The following CHDH variants were observed in gnomAD, a reference collection of about 807,000 sequenced individuals.
CHDH encodes choline dehydrogenase.
A neutral mutation model predicts 56.9 loss-of-function variants in CHDH; 43 were observed. That is an observed-to-expected ratio of 0.76 (90% CI 0.59 to 0.97). The LOEUF is 0.97. CHDH is among the 50% of genes least tolerant of loss of function. The pLI is 0.00. For missense variants in CHDH, 816 were observed against 821.1 expected, an observed-to-expected ratio of 0.99 and a Z score of 0.08; for synonymous variants, 364 against 348.5, an observed-to-expected ratio of 1.04 and a Z score of -0.50.
Position 53,830,052 on chromosome 3 carries a change from T to A in CHDH, c.-59-5985A>T, listed in dbSNP as rs185181259. On this transcript the variant is annotated intron_variant, in intron 2 of 8. Transcript: ENST00000315251. Reference sequence around the variant, plus strand: ...ACTTAAAATATATACAGGACCTATATACTGAAAACTACAAAACATTGACAG... The same window carrying A: ...ACTTAAAATATATACAGGACCTATAAACTGAAAACTACAAAACATTGACAG... Among the ~76,000 whole-genome samples, 4 of 152,278 alleles carry A rather than the reference T, an allele frequency of 2.6e-5. No individual in the cohort carries two copies. The East Asian group carries it at 7.7e-4, about 29-fold the overall frequency.
At chr3:53,822,314 A>AG (rs1317389501) in intron 4 of CHDH, among the ~76,000 whole-genome samples, 177 bp downstream of exon 4, 6 of 151,930 alleles carry the variant, frequency 3.9e-5, no homozygotes, top group African/African-American at 7.3e-5. Flanking sequence ...TGGCAGGACT[A>AG]GGGGCTTCTT....
rs563180194 is a variant in CHDH at position 53,812,450 on chromosome 3, A to G, written c.*5327T>C. On this transcript the variant is annotated 3_prime_UTR_variant, in exon 9 of 9. Coordinates refer to ENST00000315251, the MANE Select transcript of CHDH (RefSeq NM_018397.5). ...TATTTTGAGTCACTATAAACCTATC[A>G]TCTTTCCACAAGATATACCAGATGA... 5.9e-5 allele frequency: 9 copies of G among 152,346 alleles called. No homozygotes were observed. Among genetic ancestry groups the G allele is most frequent in the African/African-American group, 1.4e-4 (6 of 41,572 alleles). The allele number at this position is 152,346 out of a possible 1,614,324, so 9.4% of individuals were successfully genotyped here.
intron 2 of CHDH, among the ~76,000 whole-genome samples, chr3:53,827,825 C>T (rs1207008118): frequency 6.6e-6 from 1 of 152,164 alleles, no homozygotes; most frequent in African/African-American, 2.4e-5. Flanking sequence ...ACTTCATCTA[C>T]AAATTCAATG....
intron 4 of CHDH, among the ~76,000 whole-genome samples, chr3:53,822,057 T>C (rs925838609): frequency 6.6e-6 from 1 of 151,786 alleles, no homozygotes; most frequent in African/African-American, 2.4e-5. Context: ...AAGTGGGTGG[T>C]TTAGAGAGAG....
intron 2 of CHDH, among the ~76,000 whole-genome samples, chr3:53,834,097 T>G (rs1473833545): frequency 6.6e-6 from 1 of 152,222 alleles, no homozygotes; most frequent in East Asian, 1.9e-4. Flanking sequence ...TGGCTTTCAT[T>G]GCCATAGCCC....
chr3:53,825,863 T>C (rs2095638126), intron 2 of CHDH, among the ~76,000 whole-genome samples: 1 of 151,736 alleles, frequency 6.6e-6, no homozygotes, highest in Non-Finnish European at 1.5e-5. Context: ...GGAATAAATA[T>C]AACAATGACA....
intron 2 of CHDH, among the ~76,000 whole-genome samples, chr3:53,831,665 G>T (rs1439757888): frequency 6.6e-6 from 1 of 152,210 alleles, no homozygotes; most frequent in Non-Finnish European, 1.5e-5. Flanking sequence ...TTAATATCTA[G>T]AATGTGTTTA....
At position 53,823,546 on chromosome 3, in the gene CHDH, C is replaced by T; in HGVS notation, c.463G>A (p.Ala155Thr). The T allele has an allele frequency of 1.3e-6, 2 of 1,542,330 alleles. No homozygotes were observed. The highest frequency in any genetic ancestry group is 1.4e-5 in the African/African-American group (1 of 73,062). Reference protein sequence around the residue: ...EDYERWQRQGARGWDYAHCLP... With the variant: ...EDYERWQRQGTRGWDYAHCLP... ...CAGTGCGCGTAGTCCCAGCCGCGGG[C>T]GCCCTGGCGCTGCCAGCGCTCGTAG... Residue 155 changes from alanine (A) to threonine (T), a missense_variant, in exon 3 of 9, where the codon GCC becomes ACC. Transcript: ENST00000315251.
chr3:53,828,187 A>G (rs531555419), intron 2 of CHDH, among the ~76,000 whole-genome samples: 1 of 151,922 alleles, frequency 6.6e-6, no homozygotes, highest in Admixed American at 6.6e-5. Flanking sequence ...ACACACACAC[A>G]CACACACACA....
chr3:53,822,059 T>TAG, intron 4 of CHDH, among the ~76,000 whole-genome samples: 1 of 152,230 alleles, frequency 6.6e-6, no homozygotes, highest in South Asian at 2.1e-4. Flanking sequence ...GTGGGTGGTT[T>TAG]AGAGAGAGCA....
At chr3:53,838,056 CAAAAAAAAAAAAAA>C (rs34971544) in intron 2 of CHDH, among the ~76,000 whole-genome samples, 3 of 58,788 alleles carry the variant, frequency 5.1e-5, no homozygotes, top group Non-Finnish European at 8.9e-5. Context: ...GACTCTGTCT[CAAAAAAAAAAAAAA>C]AAAAAAAAAA....
In CHDH at chr3:53,814,817, G is replaced by C. The variant is rs1457503022; in HGVS notation, c.*2960C>G. On this transcript the variant is annotated 3_prime_UTR_variant, in exon 9 of 9. Coordinates refer to ENST00000315251, the MANE Select transcript of CHDH (RefSeq NM_018397.5). ...TGGGACTACAGGCGTGCACCACCAT[G>C]CCCAGCTAATTTTTGTATTTTTAGT... is the stretch of plus-strand genomic sequence containing the variant. 3 of 152,040 alleles carry C rather than the reference G, an allele frequency of 2.0e-5. No individual in the cohort carries two copies. The highest frequency in any genetic ancestry group is 4.4e-5 in the Non-Finnish European group (3 of 68,056). 9.4% of individuals were successfully genotyped at this position (152,040 alleles called of 1,614,324 possible).
chr3:53,828,162 G>GACACACAC (rs60594351), intron 2 of CHDH, among the ~76,000 whole-genome samples: 9,382 of 145,172 alleles, frequency 0.065, 511 homozygotes, highest in African/African-American at 0.15. Context: ...GGAATAACTA[G>GACACACAC]ACACACACAC....
At position 53,846,347 on chromosome 3, in the gene CHDH, GGC is replaced by G. The variant is rs1263298519; in HGVS notation, c.-397_-396del. 2.2e-6 allele frequency: 1 copy of G among 453,824 alleles called. No individual in the cohort carries two copies. Among genetic ancestry groups the G allele is most frequent in the Admixed American group, 4.5e-5 (1 of 22,036 alleles). 28.1% of individuals were successfully genotyped at this position (453,824 alleles called of 1,614,324 possible). ...CTGCATGCACGTGTGCGCGGGGGTA[GGC>G]GCGCGCCGCGGCGGCCCGTGCTCCG... On this transcript the variant is annotated 5_prime_UTR_variant, in exon 1 of 9. It removes the in-frame stop codon of an upstream open reading frame in the 5' UTR. Transcript: ENST00000315251.
chr3:53,830,527 G>A (rs1418789059), intron 2 of CHDH, among the ~76,000 whole-genome samples: 1 of 151,904 alleles, frequency 6.6e-6, no homozygotes, highest in Non-Finnish European at 1.5e-5. Context: ...TTTGAAGGGA[G>A]AAATAAACAG....
chr3:53,822,449 G>A, intron 4 of CHDH, 42 bp downstream of exon 4: 1 of 1,571,278 alleles, frequency 6.4e-7, no homozygotes, highest in Non-Finnish European at 8.7e-7. Flanking sequence ...CAGGGTCACT[G>A]CCCACCCCCT....
chr3:53,839,796 A>C (rs1698616221), intron 2 of CHDH, among the ~76,000 whole-genome samples: 1 of 152,264 alleles, frequency 6.6e-6, no homozygotes, highest in African/African-American at 2.4e-5. Context: ...AATAGCCAAG[A>C]CATGGAATCA....
intron 1 of CHDH, among the ~76,000 whole-genome samples, chr3:53,842,859 G>A (rs1465887165): frequency 6.6e-6 from 1 of 152,186 alleles, no homozygotes; most frequent in African/African-American, 2.4e-5. Context: ...GGAGCACCGA[G>A]GCCAGGAGTG....
Position 53,842,124 on chromosome 3 carries a change from CA to C in CHDH, c.-130-1126del, listed in dbSNP as rs57514436. ...TTGGCAACAGGACAACACTCTGTCT[CA>C]AAAAAAAAAAAGAAAAAAGAAAAAA... On this transcript the variant is annotated intron_variant, in intron 1 of 8. Coordinates refer to ENST00000315251, the MANE Select transcript of CHDH (RefSeq NM_018397.5). 3.1e-3 allele frequency among the ~76,000 whole-genome samples: 424 copies of C among 137,778 alleles called. 1 individual carries two copies. The highest frequency in any genetic ancestry group is 7.9e-3 in the African/African-American group (300 of 38,080). 90.4% of individuals were successfully genotyped at this position (137,778 alleles called of 152,430 possible). A position where few individuals can be genotyped will look rare whatever the true frequency, so the allele number is the denominator to read the frequency against.
Sources: allele counts gnomAD v4.1 joint callset (sites outside exome capture counted in the v4.1 genomes callset), GRCh38; gene constraint gnomAD v4.1.1; transcripts MANE v1.5; gene names NCBI Gene and HGNC (gene_info 2026-07-23, HGNC 2026-07-21).